The following SH3BGRL variants were observed in gnomAD, a reference collection of about 807,000 sequenced individuals.
The protein encoded by SH3BGRL is SH3 domain binding glutamate rich protein like, also known as adapter SH3BGRL.
A neutral mutation model predicts 9.8 loss-of-function variants in SH3BGRL; 7 were observed. The ratio of observed to expected loss-of-function variants is 0.72; its 90% CI spans 0.41 to 1.35. SH3BGRL has a LOEUF of 1.35. SH3BGRL is among the 40% of genes most tolerant of loss of function. The pLI is 0.01. For missense variants in SH3BGRL, 73 were observed against 84.4 expected (o/e 0.86, Z 0.53); for synonymous variants, 36 against 29.1 (o/e 1.24, Z -0.76).
chrX:81,250,251 T>C (rs1233072980), intron 1 of SH3BGRL, among the ~76,000 whole-genome samples: 2 of 108,343 alleles, frequency 1.8e-5, no homozygotes, highest in Admixed American at 2.0e-4. Flanking sequence ...ATACAAAAAA[T>C]TAGCCGGGCC....
At chrX:81,233,925 T>C (rs1249423330) in intron 1 of SH3BGRL, among the ~76,000 whole-genome samples, 1 of 111,884 alleles carries the variant, frequency 8.9e-6, no homozygotes, top group Non-Finnish European at 1.9e-5. Context: ...AAATTACAGT[T>C]GTTTGCTTTT....
At chrX:81,236,635 A>C (rs1426440705) in intron 1 of SH3BGRL, among the ~76,000 whole-genome samples, 2 of 111,765 alleles carry the variant, frequency 1.8e-5, no homozygotes, top group Non-Finnish European at 3.8e-5. Flanking sequence ...TCAAGTAGCT[A>C]TATATAACTA....
intron 3 of SH3BGRL, among the ~76,000 whole-genome samples, chrX:81,287,956 GGAAA>G (rs368182440): frequency 0.045 from 3,935 of 86,694 alleles, 196 homozygotes; most frequent in African/African-American, 0.15. Context: ...AAGGAAGGAA[GGAAA>G]GAAAGAAAGA....
intron 1 of SH3BGRL, among the ~76,000 whole-genome samples, chrX:81,267,666 C>A (rs2075762314): frequency 9.0e-6 from 1 of 111,526 alleles, no homozygotes; most frequent in Non-Finnish European, 1.9e-5. Flanking sequence ...GCCTAAAATT[C>A]TCTTTTTTGT....
At chrX:81,237,718 T>C (rs951780366) in intron 1 of SH3BGRL, among the ~76,000 whole-genome samples, 8 of 109,167 alleles carry the variant, frequency 7.3e-5, no homozygotes, top group Non-Finnish European at 1.1e-4. Flanking sequence ...CCAGATACAG[T>C]AGACTGTGGG....
chrX:81,214,756 A>G (rs1211712882), intron 1 of SH3BGRL, among the ~76,000 whole-genome samples: 3 of 112,319 alleles, frequency 2.7e-5, no homozygotes, highest in Non-Finnish European at 5.6e-5. Context: ...AATAAGCAGG[A>G]AAGTCAAAGT....
At chrX:81,228,409 G>T (rs1217195808) in intron 1 of SH3BGRL, among the ~76,000 whole-genome samples, 1 of 112,008 alleles carries the variant, frequency 8.9e-6, no homozygotes, top group Non-Finnish European at 1.9e-5. Flanking sequence ...ACTATCTACA[G>T]ATCTGGAATC....
At chrX:81,231,969 TAC>T (rs966826853) in intron 1 of SH3BGRL, among the ~76,000 whole-genome samples, 6 of 111,215 alleles carry the variant, frequency 5.4e-5, no homozygotes, top group Admixed American at 1.9e-4. Context: ...TCTATATATA[TAC>T]ACACACACGT....
intron 1 of SH3BGRL, among the ~76,000 whole-genome samples, chrX:81,251,307 G>A (rs1173713842): frequency 1.8e-5 from 2 of 111,104 alleles, no homozygotes; most frequent in African/African-American, 6.5e-5. Flanking sequence ...TAATACTATA[G>A]TTTTCTGTTT....
At chrX:81,210,828 A>G (rs2075560761) in intron 1 of SH3BGRL, among the ~76,000 whole-genome samples, 1 of 112,309 alleles carries the variant, frequency 8.9e-6, no homozygotes, top group Non-Finnish European at 1.9e-5. Context: ...CTATAGCAAT[A>G]CGTGGTCTAT....
At chrX:81,229,596 G>A (rs2075626895) in intron 1 of SH3BGRL, among the ~76,000 whole-genome samples, 4 of 111,442 alleles carry the variant, frequency 3.6e-5, no homozygotes, top group South Asian at 3.8e-4. Flanking sequence ...CTCAGTGGCC[G>A]GGCTGTCCTC....
chrX:81,217,883 G>T (rs1016325587), intron 1 of SH3BGRL, among the ~76,000 whole-genome samples: 2 of 110,497 alleles, frequency 1.8e-5, no homozygotes, highest in Admixed American at 1.9e-4. Flanking sequence ...TTTGCTGTGT[G>T]TCTCATTTCT....
chrX:81,230,171 C>G (rs193119039), intron 1 of SH3BGRL, among the ~76,000 whole-genome samples: 18 of 112,022 alleles, frequency 1.6e-4, no homozygotes, highest in African/African-American at 5.2e-4. Context: ...ATTATATATT[C>G]ATTATTCAGT....
intron 1 of SH3BGRL, among the ~76,000 whole-genome samples, chrX:81,203,399 T>G (rs757230682): frequency 1.8e-5 from 2 of 112,110 alleles, no homozygotes; most frequent in Admixed American, 1.9e-4. Flanking sequence ...CTGGCCACCA[T>G]GTGTGGATAT....
chrX:81,298,170 C>T lies in SH3BGRL; in HGVS notation c.*943C>T, dbSNP rs990570421. ...ATGCTACTATTCCTAAGATATCTTA[C>T]CTTTTTATTTCAGTTTAGCCATGTA... On this transcript the variant is annotated 3_prime_UTR_variant, in exon 4 of 4. Transcript: ENST00000373212. 1.8e-5 allele frequency: 2 copies of T among 111,713 alleles called. No individual in the cohort carries two copies. The highest frequency in any genetic ancestry group is 1.9e-4 in the Admixed American group (2 of 10,510). The allele number at this position is 111,713 out of a possible 1,213,427, so 9.2% of individuals were successfully genotyped here. A position where few individuals can be genotyped will look rare whatever the true frequency, so the allele number is the denominator to read the frequency against.
chrX:81,289,724 G>A (rs1192539621), intron 3 of SH3BGRL, among the ~76,000 whole-genome samples: 1 of 110,922 alleles, frequency 9.0e-6, no homozygotes, highest in Non-Finnish European at 1.9e-5. Flanking sequence ...CGGGAGTAGT[G>A]GCACAAATCT....
At chrX:81,262,885 T>C (rs1342895704) in intron 1 of SH3BGRL, among the ~76,000 whole-genome samples, 3 of 112,123 alleles carry the variant, frequency 2.7e-5, no homozygotes, top group African/African-American at 9.7e-5. Context: ...AGTATCTACT[T>C]TGTGTCCAGC....
intron 3 of SH3BGRL, among the ~76,000 whole-genome samples, chrX:81,284,400 C>A (rs1390164827): frequency 1.9e-5 from 2 of 108,065 alleles, no homozygotes; most frequent in South Asian, 3.9e-4. Flanking sequence ...AGCCTCCCCC[C>A]ACCAAAAAAA....
At chrX:81,255,103 G>T (rs757219344) in intron 1 of SH3BGRL, among the ~76,000 whole-genome samples, 1 of 110,309 alleles carries the variant, frequency 9.1e-6, no homozygotes, top group Non-Finnish European at 1.9e-5. Flanking sequence ...TTGGCCAGGA[G>T]GTTCTCAATC....
Sources: gnomAD v4.1 joint callset for allele counts (sites outside exome capture counted in the v4.1 genomes callset) on GRCh38, gnomAD v4.1.1 for gene constraint, MANE v1.5 for transcripts, NCBI Gene and HGNC (gene_info 2026-07-23, HGNC 2026-07-21) for gene names.